The following ABL2 variants were observed in gnomAD, a reference collection of about 807,000 sequenced individuals.
ABL2 encodes ABL proto-oncogene 2, non-receptor tyrosine kinase, also known as tyrosine-protein kinase ABL2.
Under a neutral mutation model 107.7 loss-of-function variants are expected in ABL2, and 49 were observed. The ratio of observed to expected loss-of-function variants is 0.45; its 90% CI spans 0.36 to 0.58. The LOEUF is 0.58. Among genes scored for constraint, ABL2 ranks in the 20% least tolerant of loss-of-function variants. ABL2 has a pLI of 0.00. For missense variants in ABL2, 1,245 were observed against 1,457.0 expected (o/e 0.85, Z 2.37); for synonymous variants, 549 against 548.6 (o/e 1.00, Z -0.01).
intron 9 of ABL2, among the ~76,000 whole-genome samples, chr1:179,113,611 C>T (rs1310904483): frequency 6.6e-6 from 1 of 152,088 alleles, no homozygotes; most frequent in Non-Finnish European, 1.5e-5. Flanking sequence ...ACCAGCCTGG[C>T]CAACATGGTG....
intron 1 of ABL2, chr1:179,143,107 T>A: frequency 1.3e-6 from 2 of 1,584,420 alleles, no homozygotes; most frequent in Non-Finnish European, 1.7e-6. Flanking sequence ...TAGAATTCCA[T>A]TCTCTGACAA....
rs143159520 is a variant in ABL2 at position 179,120,203 on chromosome 1, C to T, written c.1032G>A (p.Leu344=). Residue 344 remains leucine (L), a synonymous_variant, in exon 6 of 12, where the codon CTG becomes CTA. Coordinates refer to ENST00000502732, the MANE Select transcript of ABL2 (RefSeq NM_007314.4). ...AAGGTTCCTCACCTAAAAGTTGTAC[C>T]AGATTAGGATGCTTGATTTCCTTCA... ...AVMKEIKHPN[L]VQLLGVCTLE... 6 of 1,600,244 alleles carry T rather than the reference C, an allele frequency of 3.7e-6. No homozygotes were observed. In the African/African-American group the frequency reaches 6.7e-5, roughly 18 times the overall value.
At chr1:179,133,814 C>G (rs1656586047) in intron 1 of ABL2, among the ~76,000 whole-genome samples, 1 of 152,110 alleles carries the variant, frequency 6.6e-6, no homozygotes, top group Non-Finnish European at 1.5e-5. Flanking sequence ...AAATTAGGCT[C>G]AGAAAGAGAT....
chr1:179,104,668 G>A lies in ABL2; in HGVS notation c.*3050C>T, dbSNP rs554687470. On this transcript the variant is annotated 3_prime_UTR_variant, in exon 12 of 12. Transcript: ENST00000502732. ...CTTTTAAGAAAATACTTTAGGTAAA[G>A]CACAATCAAGATGTATTCAACACAA... 1 of 208,016 alleles carries A rather than the reference G, an allele frequency of 4.8e-6. No individual in the cohort carries two copies. The highest frequency in any genetic ancestry group is 7.4e-5 in the East Asian group (1 of 13,562). The allele number at this position is 208,016 out of a possible 1,614,324, so 12.9% of individuals were successfully genotyped here. A position where few individuals can be genotyped will look rare whatever the true frequency, so the allele number is the denominator to read the frequency against.
intron 1 of ABL2, among the ~76,000 whole-genome samples, chr1:179,180,554 C>T (rs1192222386): frequency 1.3e-5 from 2 of 152,072 alleles, no homozygotes; most frequent in African/African-American, 4.8e-5. Flanking sequence ...AGGTCCAGTA[C>T]CAGTAGCAGG....
chr1:179,171,945 C>T lies in ABL2; in HGVS notation c.158-38571G>A, dbSNP rs527236833. On this transcript the variant is annotated intron_variant, in intron 1 of 11. Coordinates refer to ENST00000502732, the MANE Select transcript of ABL2 (RefSeq NM_007314.4). ...CCACCATTTAACCATTGGTCAAAGG[C>T]GTTTCTTATTTATTAGAATATTTCC... 2.6e-5 allele frequency among the ~76,000 whole-genome samples: 4 copies of T among 152,190 alleles called. No homozygotes were observed. The South Asian group carries it at 6.2e-4, about 24-fold the overall frequency.
At chr1:179,190,684 AC>A (rs1660958566) in intron 1 of ABL2, among the ~76,000 whole-genome samples, 1 of 151,998 alleles carries the variant, frequency 6.6e-6, no homozygotes, top group South Asian at 2.1e-4. Flanking sequence ...CTTTCAGGTG[AC>A]CAGTCCCCAT....
chr1:179,126,664 G>T lies in ABL2; in HGVS notation c.400C>A (p.Leu134Ile), dbSNP rs1454942153. Residue 134 changes from leucine (L) to isoleucine (I), a missense_variant, in exon 4 of 12, where the codon CTA becomes ATA. Around this residue, in one of 3 missense-constraint regions of ABL2, gnomAD observed 320 missense variants for 547.0 expected, o/e 0.59. Transcript: ENST00000502732. The surrounding 1 kb of genome is among the most constrained non-coding windows in gnomAD (Gnocchi z 4.4). ...NTLSITKGEK[L>I]RVLGYNQNGE... is the part of the protein sequence containing the mutation. ...TTCTGGTTGTAACCAAGGACTCGTA[G>T]CTTTTCACCTAGCCATAAGGTCATC... The T allele has an allele frequency of 3.1e-6, 5 of 1,611,810 alleles. No individual in the cohort carries two copies. The South Asian group carries it at 5.5e-5, about 18-fold the overall frequency.
intron 10 of ABL2, chr1:179,110,725 T>C (rs368174213): frequency 7.4e-6 from 12 of 1,610,992 alleles, no homozygotes; most frequent in South Asian, 2.2e-5. Flanking sequence ...TGTTCTCCTC[T>C]TGATGGATGT....
Position 179,099,856 on chromosome 1 carries a change from C to T in ABL2, c.*7862G>A, listed in dbSNP as rs1652959025. ...ATCAGACTGCAGAGAAGGAAAAGTG[C>T]AGGGTCTGGGAGGAGATGGAGGTTC... is the stretch of plus-strand genomic sequence containing the variant. On this transcript the variant is annotated 3_prime_UTR_variant, in exon 12 of 12. Coordinates refer to ENST00000502732, the MANE Select transcript of ABL2 (RefSeq NM_007314.4). 1.7e-5 allele frequency: 4 copies of T among 232,432 alleles called. No homozygotes were observed. Among genetic ancestry groups the T allele is most frequent in the Admixed American group, 1.1e-4 (2 of 17,758 alleles). The allele number at this position is 232,432 out of a possible 1,614,324, so 14.4% of individuals were successfully genotyped here. A position where few individuals can be genotyped will look rare whatever the true frequency, so the allele number is the denominator to read the frequency against.
At chr1:179,227,387 A>G (rs918417025) in intron 1 of ABL2, among the ~76,000 whole-genome samples, 1 of 152,192 alleles carries the variant, frequency 6.6e-6, no homozygotes, top group African/African-American at 2.4e-5. Flanking sequence ...TCACTAGCCC[A>G]TCAACAAATT....
rs528178932 is a variant in ABL2, at chr1:179,118,891, C to T, written c.1046-127G>A. 12 of 982,800 alleles carry T rather than the reference C, an allele frequency of 1.2e-5. No homozygotes were observed. The African/African-American group carries it at 2.0e-4, about 16-fold the overall frequency. The allele number at this position is 982,800 out of a possible 1,614,324, so 60.9% of individuals were successfully genotyped here. A position where few individuals can be genotyped will look rare whatever the true frequency, so the allele number is the denominator to read the frequency against. On this transcript the variant is annotated intron_variant, in intron 6 of 11. Coordinates refer to ENST00000502732, the MANE Select transcript of ABL2 (RefSeq NM_007314.4). Reference sequence around the variant, plus strand: ...CAATAATCTTTTCCCTTCTTACCACCACGTTCTCTGAAATTAATAAGCAAA... The same window carrying T: ...CAATAATCTTTTCCCTTCTTACCACTACGTTCTCTGAAATTAATAAGCAAA...
At chr1:179,136,654 T>C (rs555954644) in intron 1 of ABL2, among the ~76,000 whole-genome samples, 65 of 148,376 alleles carry the variant, frequency 4.4e-4, no homozygotes, top group African/African-American at 1.5e-3. Flanking sequence ...TCCACTATTG[T>C]CCTGTGACCC....
chr1:179,175,949 G>A (rs550788715), intron 1 of ABL2, among the ~76,000 whole-genome samples: 7 of 149,530 alleles, frequency 4.7e-5, no homozygotes, highest in Admixed American at 1.4e-4. Flanking sequence ...TCTGTCTCCC[G>A]GGCTCAAGCA....
At chr1:179,153,760 C>A (rs953873928) in intron 1 of ABL2, among the ~76,000 whole-genome samples, 2 of 152,084 alleles carry the variant, frequency 1.3e-5, no homozygotes, top group Non-Finnish European at 2.9e-5. Flanking sequence ...TGAGGGGGTA[C>A]TTTTCAACCT....
chr1:179,169,727 T>A (rs983348874), intron 1 of ABL2, among the ~76,000 whole-genome samples: 1 of 152,204 alleles, frequency 6.6e-6, no homozygotes, highest in African/African-American at 2.4e-5. Context: ...TGCAATAACA[T>A]AATGCCACAG....
At position 179,104,086 on chromosome 1, in the gene ABL2, G is replaced by C. The variant is rs1314438159; in HGVS notation, c.*3632C>G. ...TTTTTTAACCCTAGGGGATTCTGCT[G>C]TGCATCCCTAGACTAGGTGTTAATA... On this transcript the variant is annotated 3_prime_UTR_variant, in exon 12 of 12. Transcript: ENST00000502732. The C allele has an allele frequency of 4.3e-6, 1 of 232,750 alleles. No individual in the cohort carries two copies. Among genetic ancestry groups the C allele is most frequent in the Non-Finnish European group, 8.5e-6 (1 of 117,758 alleles). 14.4% of individuals were successfully genotyped at this position (232,750 alleles called of 1,614,324 possible).
At chr1:179,136,709 A>AAAATAAATAAATAAATAAATAAAT (rs201779575) in intron 1 of ABL2, among the ~76,000 whole-genome samples, 1 of 140,642 alleles carries the variant, frequency 7.1e-6, no homozygotes, top group East Asian at 2.1e-4. Context: ...TGATCAATAA[A>AAAATAAATAAATAAATAAATAAAT]AAATAAATAA....
chr1:179,179,622 A>T lies in ABL2; in HGVS notation c.158-46248T>A, dbSNP rs561028783. On this transcript the variant is annotated intron_variant, in intron 1 of 11. Coordinates refer to ENST00000502732, the MANE Select transcript of ABL2 (RefSeq NM_007314.4). ...ATTATAATACAGAGATATGGCCTGAATGTTTTTGGTATCATAGAGCAAGAG... is the reference window on the plus strand; with the variant it reads ...ATTATAATACAGAGATATGGCCTGATTGTTTTTGGTATCATAGAGCAAGAG... 2.9e-4 allele frequency among the ~76,000 whole-genome samples: 44 copies of T among 152,238 alleles called. No homozygotes were observed. The South Asian group carries it at 7.3e-3, about 25-fold the overall frequency.
Sources: gnomAD v4.1 joint callset for allele counts (sites outside exome capture counted in the v4.1 genomes callset) on GRCh38, gnomAD v4.1.1 for gene constraint, gnomAD v4.1.1 regional missense constraint, Gnocchi (gnomAD v3.1) non-coding constraint, MANE v1.5 for transcripts, NCBI Gene and HGNC (gene_info 2026-07-23, HGNC 2026-07-21) for gene names.